FAM133B: variants seen among roughly 807,000 people sequenced by gnomAD.
The protein encoded by FAM133B is protein FAM133B.
A neutral mutation model predicts 46.4 loss-of-function variants in FAM133B; 25 were observed. That is an observed-to-expected ratio of 0.54 (90% confidence interval 0.39 to 0.75). The LOEUF (loss-of-function observed/expected upper bound fraction) is 0.75, where lower values mean the gene tolerates loss of function less well. Ranked by LOEUF, FAM133B falls within the 30% of genes least tolerant of loss-of-function variation. The probability of loss-of-function intolerance (pLI) is 0.00; values close to 1 mark genes in which losing one functional copy is unlikely to be tolerated. For synonymous variants in FAM133B, 75 were observed against 86.0 expected, an observed-to-expected ratio of 0.87 and a Z score of 0.71; for missense variants, 205 against 277.6, an observed-to-expected ratio of 0.74 and a Z score of 1.86.
At chr7:92,582,079 C>G (rs902134231) in intron 1 of FAM133B, among the ~76,000 whole-genome samples, 1 of 151,788 alleles carries the variant, frequency 6.6e-6, no homozygotes, top group African/African-American at 2.4e-5. Context: ...TGAAACCCTG[C>G]CTCTACTAAA....
chr7:92,574,261 C>G (rs1585304900), intron 8 of FAM133B, among the ~76,000 whole-genome samples: 1 of 152,322 alleles, frequency 6.6e-6, no homozygotes, highest in East Asian at 1.9e-4. Context: ...AACCAAAGTA[C>G]TGATACATGC....
chr7:92,564,952 T>C lies in FAM133B; in HGVS notation c.657+1062A>G, dbSNP rs550637884. On this transcript the variant is annotated intron_variant, in intron 10 of 10. Coordinates refer to ENST00000445716, the MANE Select transcript of FAM133B (RefSeq NM_152789.4). ...CTTTAAAAGCTATCAAAAGAATCTT[T>C]ATTAATGAGTCATTTATGTTGTCAT... Among the ~76,000 whole-genome samples, 272 of 152,340 alleles carry C rather than the reference T, an allele frequency of 1.8e-3. 1 individual carries two copies. Among genetic ancestry groups the C allele is most frequent in the African/African-American group, 6.3e-3 (260 of 41,572 alleles).
At chr7:92,585,370 G>C (rs1795010332) in intron 1 of FAM133B, 1 of 984,368 alleles carries the variant, frequency 1.0e-6, no homozygotes, top group African/African-American at 1.8e-5. Flanking sequence ...TAATTTCCTT[G>C]GTATCATGTC....
intron 8 of FAM133B, among the ~76,000 whole-genome samples, chr7:92,572,875 T>A (rs1794573838): frequency 6.6e-6 from 1 of 152,094 alleles, no homozygotes; most frequent in Non-Finnish European, 1.5e-5. Flanking sequence ...ATTAGTAGAA[T>A]ACCATAAGCA....
intron 5 of FAM133B, 119 bp from the exon 6 acceptor site, chr7:92,577,836 A>C: frequency 1.3e-6 from 1 of 799,936 alleles, no homozygotes; most frequent in South Asian, 1.9e-5. Context: ...CCATATTCAT[A>C]AGTCATAAAT....
Position 92,569,864 on chromosome 7 carries a change from A to C in FAM133B, c.568T>G (p.Leu190Val). ...KRKMYSEDKP[L>V]SSESLSESEY... ...GATTCTGACAAGGACTCAGATGATA[A>C]AGGTTTATCTTCAGAATACATCTTT... The change falls in exon 9 of 11, where the codon TTA becomes GTA. Residue 190 changes from leucine (L) to valine (V), a missense_variant. Coordinates refer to ENST00000445716, the MANE Select transcript of FAM133B (RefSeq NM_152789.4). The C allele has an allele frequency of 6.9e-7, 1 of 1,443,712 alleles. No individual in the cohort carries two copies. The highest frequency in any genetic ancestry group is 9.1e-7 in the Non-Finnish European group (1 of 1,099,728). The allele number at this position is 1,443,712 out of a possible 1,614,324, so 89.4% of individuals were successfully genotyped here.
intron 8 of FAM133B, among the ~76,000 whole-genome samples, chr7:92,574,701 C>T (rs1439603819): frequency 4.0e-5 from 6 of 150,176 alleles, no homozygotes; most frequent in South Asian, 2.1e-4. Context: ...GTCAGGAGAT[C>T]GAGACCATCC....
At chr7:92,581,933 T>A (rs118028363) in intron 1 of FAM133B, 1 of 184,846 alleles carries the variant, frequency 5.4e-6, no homozygotes. Flanking sequence ...GTGATAACAG[T>A]ATGTTCACTA....
At chr7:92,571,060 TGGA>T (rs1794513408) in intron 8 of FAM133B, among the ~76,000 whole-genome samples, 1 of 152,194 alleles carries the variant, frequency 6.6e-6, no homozygotes, top group Non-Finnish European at 1.5e-5. Flanking sequence ...CATCTCCTTC[TGGA>T]GGAAAGAAAT....
rs1167295843 is a variant in FAM133B, at chr7:92,577,674, G to C, written c.353C>G (p.Ser118Cys). ...CCTTACCTCATCTTCAGAATCAGAAGAACTGCTGGAAGAATCAGAGCTTGA... is the reference window on the plus strand; with the variant it reads ...CCTTACCTCATCTTCAGAATCAGAACAACTGCTGGAAGAATCAGAGCTTGA... ...SSSSSDSSSS[S>C]SDSEDEDKKQ... Residue 118 changes from serine to cysteine, a missense_variant, in exon 6 of 11, where the codon TCT (serine) becomes TGT (cysteine). Transcript: ENST00000445716. 1 of 1,583,598 alleles carries C rather than the reference G, an allele frequency of 6.3e-7. No homozygotes were observed. Among genetic ancestry groups the C allele is most frequent in the Non-Finnish European group, 8.6e-7 (1 of 1,163,700 alleles).
rs537412882 is a variant in FAM133B at position 92,573,995 on chromosome 7, C to T, written c.516+1776G>A. ...CTAGGACTACAGGCATATGCCATCA[C>T]GCCTGGTTAGTTTTTAAAATTAATT... On this transcript the variant is annotated intron_variant, in intron 8 of 10. Transcript: ENST00000445716. 3.0e-4 allele frequency among the ~76,000 whole-genome samples: 46 copies of T among 151,982 alleles called. No homozygotes were observed. The East Asian group carries it at 4.8e-3, about 16-fold the overall frequency.
intron 8 of FAM133B, among the ~76,000 whole-genome samples, chr7:92,573,660 C>CTT (rs963944682): frequency 6.8e-6 from 1 of 146,580 alleles, no homozygotes; most frequent in Non-Finnish European, 1.5e-5. Flanking sequence ...TTCACACATA[C>CTT]TTTTTTTTTT....
chr7:92,569,082 AT>A (rs1290999814), intron 9 of FAM133B, among the ~76,000 whole-genome samples: 2 of 152,224 alleles, frequency 1.3e-5, no homozygotes, highest in African/African-American at 4.8e-5. Context: ...TACGGAAACG[AT>A]TAAAGAATCA....
chr7:92,577,387 A>T, intron 6 of FAM133B, 192 bp from the exon 7 acceptor site: 1 of 452,238 alleles, frequency 2.2e-6, no homozygotes, highest in Non-Finnish European at 3.9e-6. Context: ...AATGCCTAGC[A>T]TCTAGTCAAA....
rs111841837 is a variant in FAM133B, at chr7:92,587,362, A to G, written c.24+2906T>C. 1.2e-4 allele frequency among the ~76,000 whole-genome samples: 19 copies of G among 152,352 alleles called. 1 individual carries two copies. Among genetic ancestry groups the G allele is most frequent in the African/African-American group, 4.3e-4 (18 of 41,582 alleles). On this transcript the variant is annotated intron_variant, in intron 1 of 10. Transcript: ENST00000445716. ...GCAAAACTATGGAGTCAGTAAAAAG[A>G]TCAGTGGTTGCCACACTTGGGGACA...
At chr7:92,569,173 T>C (rs1794456091) in intron 9 of FAM133B, among the ~76,000 whole-genome samples, 1 of 152,194 alleles carries the variant, frequency 6.6e-6, no homozygotes, top group Non-Finnish European at 1.5e-5. Context: ...GATTACACTA[T>C]TGGGGGTTAA....
chr7:92,572,879 A>G (rs1475675481), intron 8 of FAM133B, among the ~76,000 whole-genome samples: 1 of 152,248 alleles, frequency 6.6e-6, no homozygotes, highest in Non-Finnish European at 1.5e-5. Flanking sequence ...GTAGAATACC[A>G]TAAGCAAAAG....
intron 10 of FAM133B, among the ~76,000 whole-genome samples, chr7:92,564,677 T>C (rs1173284111): frequency 6.6e-6 from 1 of 152,222 alleles, no homozygotes; most frequent in Non-Finnish European, 1.5e-5. Flanking sequence ...TACTGAAACC[T>C]ACAAATGATG....
intron 7 of FAM133B, among the ~76,000 whole-genome samples, chr7:92,576,411 T>C (rs1794697600): frequency 6.7e-6 from 1 of 149,354 alleles, no homozygotes; most frequent in South Asian, 2.1e-4. Flanking sequence ...ATTTACTGAG[T>C]ACTTTCTAGA....
Sources: gnomAD v4.1 joint callset for allele counts (sites outside exome capture counted in the v4.1 genomes callset) on GRCh38, gnomAD v4.1.1 for gene constraint, MANE v1.5 for transcripts, NCBI Gene and HGNC (gene_info 2026-07-23, HGNC 2026-07-21) for gene names.